The following KRIT1 variants were observed in gnomAD, a reference collection of about 807,000 sequenced individuals.
KRIT1 encodes krev interaction trapped protein 1.
KRIT1 carries 45 observed loss-of-function variants against 95.8 expected under a neutral mutation model. The ratio of observed to expected loss-of-function variants is 0.47; its 90% CI spans 0.37 to 0.60. The LOEUF (loss-of-function observed/expected upper bound fraction) is 0.60, where lower values mean the gene tolerates loss of function less well. KRIT1 is among the 20% of genes least tolerant of loss of function. The probability of loss-of-function intolerance (pLI) is 0.00; values close to 1 mark genes in which losing one functional copy is unlikely to be tolerated. For synonymous variants in KRIT1, 282 were observed against 278.8 expected (o/e 1.01, Z -0.11); for missense variants, 788 against 877.5 (o/e 0.90, Z 1.29).
intron 10 of KRIT1, among the ~76,000 whole-genome samples, chr7:92,230,711 G>A (rs1024150683): frequency 1.3e-5 from 2 of 152,040 alleles, no homozygotes; most frequent in African/African-American, 4.8e-5. Flanking sequence ...GAATTTAAGG[G>A]GAATAAGAAG....
chr7:92,226,609 G>A lies in KRIT1; in HGVS notation c.1063C>T (p.Leu355Phe), dbSNP rs182763805. ...GCAGCAAAATGAAGAGGAGAACTAA[G>A]TTGTCCATTTAAAAGGTTTGGATTG... ...KCNPNLLNGQ[L>F]SSPLHFAAGG... The change falls in exon 11 of 19, where the codon CTT (leucine) becomes TTT (phenylalanine). Residue 355 changes from leucine (L) to phenylalanine (F), a missense_variant. Coordinates refer to ENST00000394505, the MANE Select transcript of KRIT1 (RefSeq NM_194454.3). The A allele has an allele frequency of 4.0e-5, 65 of 1,612,996 alleles. No individual in the cohort carries two copies. Among genetic ancestry groups the A allele is most frequent in the Admixed American group, 3.0e-4 (18 of 59,996 alleles).
intron 10 of KRIT1, among the ~76,000 whole-genome samples, chr7:92,228,265 C>T (rs139733963): frequency 2.6e-4 from 39 of 152,284 alleles, no homozygotes; most frequent in Middle Eastern, 3.4e-3. Context: ...ACAATGCATA[C>T]GCACACAGTG....
intron 14 of KRIT1, among the ~76,000 whole-genome samples, chr7:92,215,893 G>C (rs781411700): frequency 6.6e-6 from 1 of 151,702 alleles, no homozygotes; most frequent in South Asian, 2.1e-4. Context: ...AATACTTAAA[G>C]TATTTCCAAA....
At chr7:92,234,081 A>C (rs1288950137) in intron 10 of KRIT1, among the ~76,000 whole-genome samples, 1 of 152,244 alleles carries the variant, frequency 6.6e-6, no homozygotes, top group Non-Finnish European at 1.5e-5. Flanking sequence ...TAGTTAACAC[A>C]TGCAAACTTC....
At chr7:92,234,694 G>C (rs1584974570) in intron 9 of KRIT1, 102 bp from the exon 10 acceptor site, 1 of 1,167,896 alleles carries the variant, frequency 8.6e-7, no homozygotes, top group Admixed American at 1.7e-5. Flanking sequence ...CTAAGAAGCT[G>C]TAAACTCAAT....
chr7:92,230,090 C>A (rs954227779), intron 10 of KRIT1, among the ~76,000 whole-genome samples: 42 of 152,162 alleles, frequency 2.8e-4, no homozygotes, highest in African/African-American at 9.4e-4. Flanking sequence ...AAAAATAATA[C>A]AAACATACAT....
intron 4 of KRIT1, 25 bp downstream of exon 4, chr7:92,242,009 A>T (rs1318379482): frequency 1.8e-6 from 2 of 1,120,478 alleles, no homozygotes; most frequent in Non-Finnish European, 2.7e-6. Flanking sequence ...AATGGTAGAA[A>T]TAAATTATTA....
chr7:92,232,703 CTTTTTTT>C (rs534391519), intron 10 of KRIT1, among the ~76,000 whole-genome samples: 8 of 150,632 alleles, frequency 5.3e-5, no homozygotes, highest in African/African-American at 2.0e-4. Context: ...TCTTTTTTTC[CTTTTTTT>C]TGAGATGGAG....
rs1329070229 is a variant in KRIT1, at chr7:92,225,759, T to G, written c.1215A>C (p.Glu405Asp). The change falls in exon 12 of 19, where the codon GAA (glutamate) becomes GAC (aspartate). Residue 405 changes from glutamate (E) to aspartate (D), a missense_variant. Transcript: ENST00000394505. ...CTTCCTTCAACAATTTTGCAGCTTC[T>G]TCCCAGTTGTTTTGTTTGTTTTCTT... The part of the protein sequence containing the change: ...ICEENKQNNW[E>D]EAAKLLKEAI... 1.9e-6 allele frequency: 3 copies of G among 1,609,856 alleles called. No individual in the cohort carries two copies. In the East Asian group the frequency reaches 6.7e-5, roughly 36 times the overall value.
At chr7:92,214,059 C>A in intron 15 of KRIT1, 80 bp from the exon 16 acceptor site, 8 of 855,596 alleles carry the variant, frequency 9.4e-6, no homozygotes, top group Non-Finnish European at 1.4e-5. Flanking sequence ...TTACAAATGG[C>A]TTTCAGTAAC....
At chr7:92,228,350 T>A (rs145248188) in intron 10 of KRIT1, among the ~76,000 whole-genome samples, 1 of 152,118 alleles carries the variant, frequency 6.6e-6, no homozygotes, top group Non-Finnish European at 1.5e-5. Flanking sequence ...TAATTTGTTG[T>A]GTGGAAATAA....
At chr7:92,218,888 TGTC>T (rs1265345374) in intron 14 of KRIT1, among the ~76,000 whole-genome samples, 1 of 152,236 alleles carries the variant, frequency 6.6e-6, no homozygotes, top group African/African-American at 2.4e-5. Context: ...ATGCTTTTGT[TGTC>T]ATATCTGACT....
chr7:92,235,549 A>T lies in KRIT1; in HGVS notation c.583T>A (p.Tyr195Asn). 2 of 1,613,992 alleles carry T rather than the reference A, an allele frequency of 1.2e-6. No individual in the cohort carries two copies. The highest frequency in any genetic ancestry group is 1.7e-6 in the Non-Finnish European group (2 of 1,179,918). The change falls in exon 8 of 19, where the codon TAT becomes AAT. Residue 195 changes from tyrosine to asparagine, a missense_variant. Coordinates refer to ENST00000394505, the MANE Select transcript of KRIT1 (RefSeq NM_194454.3). ...TCTGTCTGACCTGATTCAGTAGCAT[A>T]TGCAGGATTTATGACATTAGTTTTT... is the stretch of plus-strand genomic sequence containing the variant. ...RIKTNVINPA[Y>N]ATESGQTENS...
chr7:92,236,734 T>C (rs1798510106), intron 6 of KRIT1, among the ~76,000 whole-genome samples, 192 bp from the exon 7 acceptor site: 1 of 152,148 alleles, frequency 6.6e-6, no homozygotes, highest in South Asian at 2.1e-4. Flanking sequence ...AATGCAACAT[T>C]TAGAATTTTG....
At chr7:92,235,867 G>A (rs540900981) in intron 7 of KRIT1, 13 of 436,270 alleles carry the variant, frequency 3.0e-5, no homozygotes, top group Admixed American at 1.4e-4. Context: ...ACATACTTTA[G>A]GGGCACATGT....
At chr7:92,199,197 G>A (rs909653342), downstream of KRIT1, 3 of 152,196 alleles carry the variant, frequency 2.0e-5, no homozygotes, top group African/African-American at 7.2e-5. Context: ...GAAGGGAACT[G>A]AAAAGGGTAT....
chr7:92,203,144 C>T (rs533630044), intron 17 of KRIT1, among the ~76,000 whole-genome samples: 1 of 152,314 alleles, frequency 6.6e-6, no homozygotes, highest in East Asian at 1.9e-4. Flanking sequence ...ACACAAAAAA[C>T]ACAACTGTGT....
intron 6 of KRIT1, among the ~76,000 whole-genome samples, chr7:92,236,899 T>C (rs942742946): frequency 6.6e-6 from 1 of 152,196 alleles, no homozygotes; most frequent in Non-Finnish European, 1.5e-5. Flanking sequence ...ATAAAATACA[T>C]GTCAGCACTG....
chr7:92,235,297 G>A (rs1260212029), intron 8 of KRIT1, 106 bp downstream of exon 8: 1 of 1,144,820 alleles, frequency 8.7e-7, no homozygotes, highest in Non-Finnish European at 1.3e-6. Context: ...ACTGTACCAG[G>A]CCTTCATGTT....
Sources: allele counts gnomAD v4.1 joint callset (sites outside exome capture counted in the v4.1 genomes callset), GRCh38; gene constraint gnomAD v4.1.1; transcripts MANE v1.5; gene names NCBI Gene and HGNC (gene_info 2026-07-23, HGNC 2026-07-21).